The following ATRNL1 variants were observed in gnomAD, a reference collection of about 807,000 sequenced individuals.
ATRNL1 encodes attractin-like protein 1.
ATRNL1 carries 95 observed loss-of-function variants against 182.7 expected under a neutral mutation model. The observed-to-expected ratio is 0.52, with a 90% CI of 0.44 to 0.62. The LOEUF (loss-of-function observed/expected upper bound fraction) is 0.62. ATRNL1 is among the 20% of genes least tolerant of loss of function. The pLI is 0.00. For synonymous variants in ATRNL1, 576 were observed against 568.3 expected, an observed-to-expected ratio of 1.01 and a Z score of -0.19; for missense variants, 1,471 against 1,679.5, an observed-to-expected ratio of 0.88 and a Z score of 2.17.
At chr10:115,154,668 C>A (rs1446447433) in intron 5 of ATRNL1, among the ~76,000 whole-genome samples, 3 of 152,052 alleles carry the variant, frequency 2.0e-5, no homozygotes, top group African/African-American at 7.2e-5. Flanking sequence ...TATTTTGTAG[C>A]TGTTGATTGA....
At chr10:115,514,040 C>T (rs895028281) in intron 24 of ATRNL1, among the ~76,000 whole-genome samples, 2 of 151,842 alleles carry the variant, frequency 1.3e-5, no homozygotes, top group Non-Finnish European at 2.9e-5. Context: ...AGACTTTACC[C>T]ATACACTTCA....
chr10:115,727,237 AC>A lies in ATRNL1; in HGVS notation c.3796-6del. 4 of 1,595,844 alleles carry A rather than the reference AC, an allele frequency of 2.5e-6. No individual in the cohort carries two copies. The highest frequency in any genetic ancestry group is 1.7e-5 in the Admixed American group (1 of 59,976). On this transcript the variant is annotated splice_polypyrimidine_tract_variant and intron_variant, in intron 26 of 28. Coordinates refer to ENST00000355044, the MANE Select transcript of ATRNL1 (RefSeq NM_207303.4). ...CCTATTTTAAGATAAATCATTTTTA[AC>A]CCCCTCCAGCAACTGCTTCGAGAAC...
chr10:115,351,274 A>G (rs782455228), intron 19 of ATRNL1, among the ~76,000 whole-genome samples: 1 of 152,092 alleles, frequency 6.6e-6, no homozygotes, highest in Non-Finnish European at 1.5e-5. Flanking sequence ...TGGGACTTCC[A>G]GTACTATGTC....
rs144886729 is a variant in ATRNL1, at chr10:115,742,661, A to G, written c.3903+15306A>G. On this transcript the variant is annotated intron_variant, in intron 27 of 28. Transcript: ENST00000355044. Reference sequence around the variant, plus strand: ...AAGTATATCTTAAATGAATCTCTTTATCATCACTACTGCCCCTGTTTCAAG... The same window carrying G: ...AAGTATATCTTAAATGAATCTCTTTGTCATCACTACTGCCCCTGTTTCAAG... 9.2e-5 allele frequency among the ~76,000 whole-genome samples: 14 copies of G among 152,236 alleles called. No homozygotes were observed. The East Asian group carries it at 2.5e-3, about 27-fold the overall frequency.
chr10:115,093,688 C>T lies in ATRNL1; in HGVS notation c.-63C>T, dbSNP rs1241565134. The T allele has an allele frequency of 6.3e-6, 9 of 1,430,202 alleles. No homozygotes were observed. Among genetic ancestry groups the T allele is most frequent in the East Asian group, 2.9e-5 (1 of 34,410 alleles). 88.6% of individuals were successfully genotyped at this position (1,430,202 alleles called of 1,614,324 possible). ...AGAGGTTTTCTGCGGCCGGAATTCCCTTCAACAGCATCCCTGTCGGCGCCC... is the reference window on the plus strand; with the variant it reads ...AGAGGTTTTCTGCGGCCGGAATTCCTTTCAACAGCATCCCTGTCGGCGCCC... On this transcript the variant is annotated 5_prime_UTR_variant, in exon 1 of 29. Coordinates refer to ENST00000355044, the MANE Select transcript of ATRNL1 (RefSeq NM_207303.4). This position sits in a 1 kb window ranked among gnomAD's most constrained non-coding sequence, Gnocchi z 6.1.
At chr10:115,589,669 A>T in intron 26 of ATRNL1, among the ~76,000 whole-genome samples, 1 of 152,176 alleles carries the variant, frequency 6.6e-6, no homozygotes, top group Non-Finnish European at 1.5e-5. Flanking sequence ...CTTTTTAGCA[A>T]TAATTTTTAA....
At chr10:115,784,157 T>C (rs1555079913) in intron 27 of ATRNL1, among the ~76,000 whole-genome samples, 4 of 152,226 alleles carry the variant, frequency 2.6e-5, no homozygotes, top group African/African-American at 7.2e-5. Flanking sequence ...TGGAATGATA[T>C]GCCTTATAGA....
chr10:115,369,981 T>C (rs1554947537), intron 19 of ATRNL1, among the ~76,000 whole-genome samples: 2 of 152,204 alleles, frequency 1.3e-5, no homozygotes, highest in African/African-American at 4.8e-5. Flanking sequence ...AGGGATCTGG[T>C]AGAAGATAAT....
Position 115,241,719 on chromosome 10 carries a change from G to A in ATRNL1, c.1681G>A (p.Asp561Asn). 9.3e-6 allele frequency: 15 copies of A among 1,608,570 alleles called. No homozygotes were observed. Among genetic ancestry groups the A allele is most frequent in the Non-Finnish European group, 9.4e-6 (11 of 1,176,244 alleles). The change falls in exon 10 of 29, where the codon GAC becomes AAC. Residue 561 changes from aspartate to asparagine, a missense_variant. This residue lies in a region of ATRNL1 where 1,031 missense variants were observed against 1,156.0 expected (regional missense o/e 0.89). Coordinates refer to ENST00000355044, the MANE Select transcript of ATRNL1 (RefSeq NM_207303.4). ...TTTTTCTGCCGATTTCCTGGCATAT[G>A]ACATAGGTATGTATCTGTTAGGATT... ...KCFSADFLAY[D>N]IACDEWKILP...
At chr10:115,197,132 AAC>A (rs1429582549) in intron 8 of ATRNL1, among the ~76,000 whole-genome samples, 1 of 151,970 alleles carries the variant, frequency 6.6e-6, no homozygotes, top group African/African-American at 2.4e-5. Flanking sequence ...TTTTGAGAAA[AAC>A]TTTTGTTTTT....
intron 18 of ATRNL1, among the ~76,000 whole-genome samples, chr10:115,322,865 CT>C (rs1305827754): frequency 2.6e-5 from 4 of 151,988 alleles, no homozygotes; most frequent in African/African-American, 7.2e-5. Context: ...TCTTATTGGG[CT>C]TTTTTGTAAG....
chr10:115,511,617 C>G (rs1341622736), intron 24 of ATRNL1, among the ~76,000 whole-genome samples: 2 of 151,794 alleles, frequency 1.3e-5, no homozygotes, highest in African/African-American at 4.8e-5. Flanking sequence ...AATTTTCTCC[C>G]ACAAATTTTG....
chr10:115,248,169 A>G (rs1383405530), intron 10 of ATRNL1, among the ~76,000 whole-genome samples: 1 of 152,158 alleles, frequency 6.6e-6, no homozygotes, highest in Non-Finnish European at 1.5e-5. Context: ...TAGAATTAGG[A>G]TATTGAATGT....
chr10:115,321,318 A>G (rs1854572959), intron 18 of ATRNL1, among the ~76,000 whole-genome samples: 1 of 152,110 alleles, frequency 6.6e-6, no homozygotes, highest in East Asian at 1.9e-4. Context: ...GTGTCTTTTA[A>G]GTGGAAAGTT....
At chr10:115,172,699 G>A (rs1223893420) in intron 8 of ATRNL1, among the ~76,000 whole-genome samples, 1 of 151,870 alleles carries the variant, frequency 6.6e-6, no homozygotes, top group African/African-American at 2.4e-5. Flanking sequence ...CCTTTAGTCT[G>A]TTGAGACTAT....
intron 24 of ATRNL1, among the ~76,000 whole-genome samples, chr10:115,505,610 A>G (rs1335154357): frequency 2.6e-5 from 4 of 152,042 alleles, no homozygotes; most frequent in African/African-American, 9.7e-5. Context: ...TCCCACATGT[A>G]GTAGATGGTG....
chr10:115,390,787 A>G lies in ATRNL1; in HGVS notation c.3176-3872A>G, dbSNP rs554591239. 2.6e-5 allele frequency among the ~76,000 whole-genome samples: 4 copies of G among 152,308 alleles called. No homozygotes were observed. The East Asian group carries it at 5.8e-4, about 22-fold the overall frequency. On this transcript the variant is annotated intron_variant, in intron 19 of 28. Coordinates refer to ENST00000355044, the MANE Select transcript of ATRNL1 (RefSeq NM_207303.4). ...ATACTAATTATCCCAATCCATGAAC[A>G]TGGGCTACCTTTCCATTTATATAAG...
At chr10:115,940,759 G>C (rs1953708171) in intron 28 of ATRNL1, among the ~76,000 whole-genome samples, 1 of 151,588 alleles carries the variant, frequency 6.6e-6, no homozygotes, top group South Asian at 2.1e-4. Flanking sequence ...TAAGATAGGG[G>C]CTTTGTCTCT....
intron 28 of ATRNL1, among the ~76,000 whole-genome samples, chr10:115,853,701 A>G (rs1006022034): frequency 2.0e-5 from 3 of 152,240 alleles, no homozygotes; most frequent in Non-Finnish European, 4.4e-5. Flanking sequence ...AAAATCTGGC[A>G]TGTTAGTTAC....
Sources: gnomAD v4.1 joint callset for allele counts (sites outside exome capture counted in the v4.1 genomes callset) on GRCh38, gnomAD v4.1.1 for gene constraint, gnomAD v4.1.1 regional missense constraint, Gnocchi (gnomAD v3.1) non-coding constraint, MANE v1.5 for transcripts, NCBI Gene and HGNC (gene_info 2026-07-23, HGNC 2026-07-21) for gene names.